Variants in NOPCHAP1 observed in about 807,000 individuals in gnomAD.
NOPCHAP1 encodes the protein NOP protein chaperone 1.
Under a neutral mutation model 14.0 loss-of-function variants are expected in NOPCHAP1, and 13 were observed. That is an observed-to-expected ratio of 0.93 (90% CI 0.60 to 1.47). The LOEUF (loss-of-function observed/expected upper bound fraction) is 1.47, where lower values mean the gene tolerates loss of function less well. Among genes scored for constraint, NOPCHAP1 ranks in the 40% most tolerant of loss-of-function variants. NOPCHAP1 has a pLI of 0.00. For synonymous variants in NOPCHAP1, 78 were observed against 78.4 expected (o/e 1.00, Z 0.03); for missense variants, 230 against 226.9 (o/e 1.01, Z -0.09).
chr12:105,004,518 C>G lies in NOPCHAP1; in HGVS notation c.*9822C>G, dbSNP rs1238311306. The G allele has an allele frequency of 6.6e-6, 1 of 152,088 alleles. No individual in the cohort carries two copies. Among genetic ancestry groups the G allele is most frequent in the East Asian group, 1.9e-4 (1 of 5,198 alleles). The allele number at this position is 152,088 out of a possible 1,614,324, so 9.4% of individuals were successfully genotyped here. Reference sequence around the variant, plus strand: ...GAGGTGGAGGTTGCAGTGAGCTGAGCTCACTGGAGGCTGGGTGACAGAGCA... The same window carrying G: ...GAGGTGGAGGTTGCAGTGAGCTGAGGTCACTGGAGGCTGGGTGACAGAGCA... On this transcript the variant is annotated 3_prime_UTR_variant, in exon 4 of 4. Transcript: ENST00000552951.
chr12:104,993,008 C>T (rs1318122147), intron 3 of NOPCHAP1, among the ~76,000 whole-genome samples: 1 of 152,268 alleles, frequency 6.6e-6, no homozygotes, highest in African/African-American at 2.4e-5. Context: ...TTCTCCCCTG[C>T]GGTTTTCTCA....
rs368545818 is a variant in NOPCHAP1 at position 104,986,362 on chromosome 12, C to G, written c.10C>G (p.His4Asp). The change falls in exon 1 of 4, where the codon CAT becomes GAT. Residue 4 changes from histidine to aspartate, a missense_variant. His to Asp is a moderately conservative substitution (Grantham distance 81). Transcript: ENST00000552951. MEV[H>D]GKPKASPSCS... is the part of the protein sequence containing the mutation. ...CAGGCTTGAGGGAAGCATGGAGGTC[C>G]ATGGCAAGCCCAAGGCTAGCCCGAG... 29 of 1,609,024 alleles carry G rather than the reference C, an allele frequency of 1.8e-5. No individual in the cohort carries two copies. The highest frequency in any genetic ancestry group is 3.3e-4 in the Middle Eastern group (2 of 6,082).
In NOPCHAP1 at chr12:104,995,280, T is replaced by G. The variant is rs1873476755; in HGVS notation, c.*584T>G. The G allele has an allele frequency of 6.5e-6, 1 of 152,836 alleles. No individual in the cohort carries two copies. The highest frequency in any genetic ancestry group is 1.5e-5 in the Non-Finnish European group (1 of 68,610). 9.5% of individuals were successfully genotyped at this position (152,836 alleles called of 1,614,324 possible). A position where few individuals can be genotyped will look rare whatever the true frequency, so the allele number is the denominator to read the frequency against. ...TTTGGGATGCCTGCAAACTAACCATTAGCTCCTCCTGCAAACATCATGTGT... is the reference window on the plus strand; with the variant it reads ...TTTGGGATGCCTGCAAACTAACCATGAGCTCCTCCTGCAAACATCATGTGT... On this transcript the variant is annotated 3_prime_UTR_variant, in exon 4 of 4. Coordinates refer to ENST00000552951, the MANE Select transcript of NOPCHAP1 (RefSeq NM_152318.3).
rs1216022919 is a variant in NOPCHAP1, at chr12:105,012,016, C to T, written c.*17320C>T. On this transcript the variant is annotated 3_prime_UTR_variant, in exon 4 of 4. Coordinates refer to ENST00000552951, the MANE Select transcript of NOPCHAP1 (RefSeq NM_152318.3). ...TATCTTCATGGTGTTCTCTGTATTT[C>T]CTGAATTTGAATGTTGGCCTGTCTT... 1 of 152,122 alleles carries T rather than the reference C, an allele frequency of 6.6e-6. No individual in the cohort carries two copies. Among genetic ancestry groups the T allele is most frequent in the African/African-American group, 2.4e-5 (1 of 41,416 alleles). The allele number at this position is 152,122 out of a possible 1,614,324, so 9.4% of individuals were successfully genotyped here.
In NOPCHAP1 at chr12:105,014,228, A is replaced by T. The variant is rs78505699; in HGVS notation, c.*19532A>T. ...CTGCAAATGGTACTAGGTACCGTCT[A>T]TAAGTGTTTGTGTGGGTAAGTGCTG... On this transcript the variant is annotated 3_prime_UTR_variant, in exon 4 of 4. Transcript: ENST00000552951. The T allele has an allele frequency of 6.6e-6, 1 of 152,224 alleles. No homozygotes were observed. Among genetic ancestry groups the T allele is most frequent in the East Asian group, 1.9e-4 (1 of 5,208 alleles). The allele number at this position is 152,224 out of a possible 1,614,324, so 9.4% of individuals were successfully genotyped here.
intron 2 of NOPCHAP1, among the ~76,000 whole-genome samples, chr12:104,991,083 C>G (rs577236515): frequency 6.6e-6 from 1 of 152,330 alleles, no homozygotes; most frequent in African/African-American, 2.4e-5. Flanking sequence ...AGAAAGATTT[C>G]TCTCTCAACA....
intron 3 of NOPCHAP1, among the ~76,000 whole-genome samples, chr12:104,992,386 C>T (rs1873398727): frequency 6.6e-6 from 1 of 152,204 alleles, no homozygotes; most frequent in South Asian, 2.1e-4. Flanking sequence ...CTCTGCAGTT[C>T]CTTTGGACCT....
rs1040347424 is a variant in NOPCHAP1 at position 105,005,040 on chromosome 12, G to C, written c.*10344G>C. The C allele has an allele frequency of 4.6e-5, 7 of 152,348 alleles. 1 individual carries two copies. The highest frequency in any genetic ancestry group is 1.3e-4 in the Admixed American group (2 of 15,304). 9.4% of individuals were successfully genotyped at this position (152,348 alleles called of 1,614,324 possible). On this transcript the variant is annotated 3_prime_UTR_variant, in exon 4 of 4. Transcript: ENST00000552951. ...ACTTCATCCTCATTGTCTTCAGGTT[G>C]AGTAGGTTGAGGAGGAGGAAGCAGA...
intron 2 of NOPCHAP1, among the ~76,000 whole-genome samples, chr12:104,990,353 A>G (rs1046989842): frequency 6.6e-5 from 10 of 152,212 alleles, no homozygotes; most frequent in African/African-American, 2.2e-4. Context: ...CAGATTTTCT[A>G]TCTGTAGCAA....
rs1873604390 is a variant in NOPCHAP1, at chr12:105,001,287, G to A, written c.*6591G>A. 2 of 152,110 alleles carry A rather than the reference G, an allele frequency of 1.3e-5. No homozygotes were observed. Among genetic ancestry groups the A allele is most frequent in the African/African-American group, 4.8e-5 (2 of 41,418 alleles). 9.4% of individuals were successfully genotyped at this position (152,110 alleles called of 1,614,324 possible). A position where few individuals can be genotyped will look rare whatever the true frequency, so the allele number is the denominator to read the frequency against. ...CTTCTATCCGTCTAGAGAACACAAA[G>A]ACTTTTATAAGAACATATTGTTATC... is the stretch of plus-strand genomic sequence containing the variant. On this transcript the variant is annotated 3_prime_UTR_variant, in exon 4 of 4. Coordinates refer to ENST00000552951, the MANE Select transcript of NOPCHAP1 (RefSeq NM_152318.3).
rs186040251 is a variant in NOPCHAP1 at position 105,007,182 on chromosome 12, T to C, written c.*12486T>C. ...AAATCATATGAGAGTCTGTAGCCTT[T>C]TTGATAGCAATCCTGTACCCACATA... On this transcript the variant is annotated 3_prime_UTR_variant, in exon 4 of 4. Transcript: ENST00000552951. 84 of 152,340 alleles carry C rather than the reference T, an allele frequency of 5.5e-4. No individual in the cohort carries two copies. The highest frequency in any genetic ancestry group is 1.9e-3 in the African/African-American group (79 of 41,570). 9.4% of individuals were successfully genotyped at this position (152,340 alleles called of 1,614,324 possible).
At chr12:104,992,810 A>C (rs1208111604) in intron 3 of NOPCHAP1, among the ~76,000 whole-genome samples, 1 of 152,118 alleles carries the variant, frequency 6.6e-6, no homozygotes, top group Admixed American at 6.5e-5. Context: ...ATGAGATTCT[A>C]ATGCCTGATG....
intron 1 of NOPCHAP1, among the ~76,000 whole-genome samples, chr12:104,987,047 C>G (rs1278958742): frequency 6.6e-6 from 1 of 152,174 alleles, no homozygotes; most frequent in Non-Finnish European, 1.5e-5. Flanking sequence ...TATTTTCATT[C>G]CCTAAGCCTC....
In NOPCHAP1 at chr12:105,012,176, G is replaced by A. The variant is rs577768925; in HGVS notation, c.*17480G>A. On this transcript the variant is annotated 3_prime_UTR_variant, in exon 4 of 4. Transcript: ENST00000552951. ...TCACATAGTCTCATATTTCTTGGAC[G>A]CTTTGTTCCTTTTCATTCTTTTTTC... The A allele has an allele frequency of 6.6e-6, 1 of 152,202 alleles. No individual in the cohort carries two copies. The highest frequency in any genetic ancestry group is 2.1e-4 in the South Asian group (1 of 4,816). The allele number at this position is 152,202 out of a possible 1,614,324, so 9.4% of individuals were successfully genotyped here.
At position 105,011,313 on chromosome 12, in the gene NOPCHAP1, T is replaced by G. The variant is rs1049699211; in HGVS notation, c.*16617T>G. ...AGGATTGCAACCCCTGCTTTTTTTTTGCTTTCCATTTGCTTGGTAAATATT... is the reference window on the plus strand; with the variant it reads ...AGGATTGCAACCCCTGCTTTTTTTTGGCTTTCCATTTGCTTGGTAAATATT... On this transcript the variant is annotated 3_prime_UTR_variant, in exon 4 of 4. Coordinates refer to ENST00000552951, the MANE Select transcript of NOPCHAP1 (RefSeq NM_152318.3). 1 of 152,166 alleles carries G rather than the reference T, an allele frequency of 6.6e-6. No homozygotes were observed. The highest frequency in any genetic ancestry group is 1.5e-5 in the Non-Finnish European group (1 of 68,022). 9.4% of individuals were successfully genotyped at this position (152,166 alleles called of 1,614,324 possible).
chr12:104,991,862 G>A lies in NOPCHAP1; in HGVS notation c.339+14G>A, dbSNP rs1873384406. On this transcript the variant is annotated intron_variant, in intron 3 of 3. Coordinates refer to ENST00000552951, the MANE Select transcript of NOPCHAP1 (RefSeq NM_152318.3). ...GTTATACAAATGGTAACTATGCTTT[G>A]TTTTCATATGGTGAAATTACTGGTC... is the stretch of plus-strand genomic sequence containing the variant. The A allele has an allele frequency of 2.6e-6, 4 of 1,564,914 alleles. No individual in the cohort carries two copies. The highest frequency in any genetic ancestry group is 1.4e-5 in the African/African-American group (1 of 72,706).
At position 105,015,731 on chromosome 12, in the gene NOPCHAP1, A is replaced by T. The variant is rs977063627; in HGVS notation, c.*21035A>T. 6.6e-6 allele frequency: 1 copy of T among 152,142 alleles called. No homozygotes were observed. The highest frequency in any genetic ancestry group is 1.5e-5 in the Non-Finnish European group (1 of 68,040). The allele number at this position is 152,142 out of a possible 1,614,324, so 9.4% of individuals were successfully genotyped here. A position where few individuals can be genotyped will look rare whatever the true frequency, so the allele number is the denominator to read the frequency against. ...GTGTGTATAGGGTTCTGTTCTATCA[A>T]ATGTTTCAGGCATCCTCTGGGGGGT... On this transcript the variant is annotated 3_prime_UTR_variant, in exon 4 of 4. Transcript: ENST00000552951.
intron 1 of NOPCHAP1, 49 bp from the exon 2 acceptor site, chr12:104,988,118 T>G (rs536928309): frequency 1.4e-6 from 2 of 1,438,538 alleles, no homozygotes; most frequent in South Asian, 2.4e-5. Flanking sequence ...GGGCCTTTGT[T>G]TTTTTATGCT....
rs1224467992 is a variant in NOPCHAP1, at chr12:104,996,682, A to G, written c.*1986A>G. On this transcript the variant is annotated 3_prime_UTR_variant, in exon 4 of 4. Coordinates refer to ENST00000552951, the MANE Select transcript of NOPCHAP1 (RefSeq NM_152318.3). ...TCTGTGTTAGCTTTCTGCCTTGATG[A>G]TCTGCCTAATACTGTCAGTGGGGTG... 2.6e-5 allele frequency: 4 copies of G among 152,124 alleles called. No homozygotes were observed. The highest frequency in any genetic ancestry group is 9.7e-5 in the African/African-American group (4 of 41,408). 9.4% of individuals were successfully genotyped at this position (152,124 alleles called of 1,614,324 possible).
Sources: allele counts gnomAD v4.1 joint callset (sites outside exome capture counted in the v4.1 genomes callset), GRCh38; gene constraint gnomAD v4.1.1; transcripts MANE v1.5; gene names NCBI Gene and HGNC (gene_info 2026-07-23, HGNC 2026-07-21).